EHD3: variants seen among roughly 807,000 people sequenced by gnomAD.
The protein encoded by EHD3 is EH domain containing 3.
EHD3 carries 17 observed loss-of-function variants against 43.0 expected under a neutral mutation model. The observed-to-expected ratio is 0.40, with a 90% confidence interval of 0.27 to 0.59. The LOEUF (loss-of-function observed/expected upper bound fraction) is 0.59, where lower values mean the gene tolerates loss of function less well. Among genes scored for constraint, EHD3 ranks in the 20% least tolerant of loss-of-function variants. The pLI is 0.49. For synonymous variants in EHD3, 313 were observed against 289.5 expected, an observed-to-expected ratio of 1.08 and a Z score of -0.82; for missense variants, 594 against 705.6, an observed-to-expected ratio of 0.84 and a Z score of 1.79.
chr2:31,248,557 A>G (rs1683572434), intron 2 of EHD3, among the ~76,000 whole-genome samples: 1 of 152,188 alleles, frequency 6.6e-6, no homozygotes, highest in Admixed American at 6.5e-5. Context: ...GTTGGCAAGC[A>G]TGAACCATGG....
Position 31,261,563 on chromosome 2 carries a change from CA to C in EHD3, c.931del (p.Ile311SerfsTer4). 1 of 1,614,226 alleles carries C rather than the reference CA, an allele frequency of 6.2e-7. No individual in the cohort carries two copies. The highest frequency in any genetic ancestry group is 8.5e-7 in the Non-Finnish European group (1 of 1,180,038). ...CTGTTTGTCAGGTCCACGCCTACAT[CA>C]TCAGCTCTCTGAAGAAGGAGATGCC... The part of the protein sequence containing the change: ...ARLAKVHAYI[I>X]SSLKKEMPSV... On this transcript the variant is annotated frameshift_variant, in exon 5 of 6. Coordinates refer to ENST00000322054, the MANE Select transcript of EHD3 (RefSeq NM_014600.3). LOFTEE classifies it high-confidence loss of function.
chr2:31,258,838 C>G (rs755061578), intron 3 of EHD3, among the ~76,000 whole-genome samples: 3 of 152,214 alleles, frequency 2.0e-5, no homozygotes. Flanking sequence ...GTTAGAAATG[C>G]TCTGCGCCAG....
chr2:31,242,825 T>A (rs1572462883), intron 1 of EHD3, among the ~76,000 whole-genome samples: 1 of 152,162 alleles, frequency 6.6e-6, no homozygotes, highest in East Asian at 1.9e-4. Context: ...CCGGGCGTGG[T>A]GGCGGCTGCC....
intron 1 of EHD3, among the ~76,000 whole-genome samples, chr2:31,235,279 A>G (rs890215969): frequency 2.6e-5 from 4 of 151,952 alleles, no homozygotes; most frequent in Non-Finnish European, 5.9e-5. Flanking sequence ...GGGGCTTGGC[A>G]CTCACATGGG....
intron 2 of EHD3, among the ~76,000 whole-genome samples, chr2:31,246,654 G>T (rs991824305): frequency 6.6e-6 from 1 of 152,082 alleles, no homozygotes; most frequent in Non-Finnish European, 1.5e-5. Context: ...AGAGCTGAGC[G>T]CCCTTATGTC....
At chr2:31,247,657 C>T (rs919997851) in intron 2 of EHD3, among the ~76,000 whole-genome samples, 6 of 152,158 alleles carry the variant, frequency 3.9e-5, no homozygotes, top group South Asian at 2.1e-4. Flanking sequence ...AGGCCCCTAG[C>T]GGCCTTGGGC....
Position 31,260,943 on chromosome 2 carries a change from G to T in EHD3, c.915+21G>T. 1 of 1,571,240 alleles carries T rather than the reference G, an allele frequency of 6.4e-7. No individual in the cohort carries two copies. Among genetic ancestry groups the T allele is most frequent in the Non-Finnish European group, 8.6e-7 (1 of 1,160,470 alleles). On this transcript the variant is annotated intron_variant, in intron 4 of 5. Coordinates refer to ENST00000322054, the MANE Select transcript of EHD3 (RefSeq NM_014600.3). The surrounding 1 kb of genome is among the most constrained non-coding windows in gnomAD (Gnocchi z 4.6). ...CCAAGGTGAGGCAGCCCCCTGGGAG[G>T]TGGGCAGCTTGGGCAGGGGCCCAGA...
At chr2:31,243,653 A>G (rs944063116) in intron 1 of EHD3, among the ~76,000 whole-genome samples, 1 of 151,448 alleles carries the variant, frequency 6.6e-6, no homozygotes, top group Non-Finnish European at 1.5e-5. Context: ...GACAGGTTTC[A>G]CCATGTTGGC....
chr2:31,265,775 A>G (rs1317530495), intron 5 of EHD3, among the ~76,000 whole-genome samples: 26 of 152,300 alleles, frequency 1.7e-4, no homozygotes, highest in Non-Finnish European at 1.9e-4. Flanking sequence ...AGAGGCCCAC[A>G]TGACCCAGTC....
chr2:31,243,809 T>C (rs982538233), intron 1 of EHD3, among the ~76,000 whole-genome samples: 7 of 152,134 alleles, frequency 4.6e-5, no homozygotes, highest in African/African-American at 1.7e-4. Context: ...GTATCATATA[T>C]GAGCTATTTT....
At chr2:31,243,758 A>G (rs958672693) in intron 1 of EHD3, among the ~76,000 whole-genome samples, 1 of 151,952 alleles carries the variant, frequency 6.6e-6, no homozygotes, top group Non-Finnish European at 1.5e-5. Flanking sequence ...CTGGCCAGAG[A>G]TTCATTTTTC....
At chr2:31,263,066 A>G (rs1328618830) in intron 5 of EHD3, among the ~76,000 whole-genome samples, 2 of 152,214 alleles carry the variant, frequency 1.3e-5, no homozygotes, top group African/African-American at 2.4e-5. Context: ...ATAGTCCTCA[A>G]TAGGCATTTT....
rs766691468 is a variant in EHD3, at chr2:31,234,858, C to T, written c.227+10C>T. 13 of 1,613,866 alleles carry T rather than the reference C, an allele frequency of 8.1e-6. No individual in the cohort carries two copies. Among genetic ancestry groups the T allele is most frequent in the Admixed American group, 6.7e-5 (4 of 60,024 alleles). On this transcript the variant is annotated intron_variant, in intron 1 of 5. Transcript: ENST00000322054. ...AGACCACCTTCATCAGGTGAGCCGG[C>T]CCAGGGTCCTGGCAGCCCACCCCGG...
intron 3 of EHD3, among the ~76,000 whole-genome samples, chr2:31,259,214 A>C (rs982412011): frequency 6.6e-6 from 1 of 152,168 alleles, no homozygotes; most frequent in Non-Finnish European, 1.5e-5. Flanking sequence ...GAGTGGCAGG[A>C]GGAGAGGCTG....
intron 5 of EHD3, among the ~76,000 whole-genome samples, chr2:31,263,522 A>G (rs1683891885): frequency 6.6e-6 from 1 of 152,142 alleles, no homozygotes; most frequent in Admixed American, 6.5e-5. Flanking sequence ...GGAGCCCACC[A>G]AACATACCTA....
chr2:31,236,872 C>G (rs77858721), intron 1 of EHD3, among the ~76,000 whole-genome samples: 2 of 152,318 alleles, frequency 1.3e-5, no homozygotes, highest in African/African-American at 2.4e-5. Context: ...GTCTGAGACA[C>G]TCTCCCGGCT....
chr2:31,251,004 A>G (rs1357489959), intron 3 of EHD3, among the ~76,000 whole-genome samples: 1 of 152,182 alleles, frequency 6.6e-6, no homozygotes, highest in African/African-American at 2.4e-5. Flanking sequence ...TTTCTGCAAG[A>G]GCATGGCCTG....
At chr2:31,248,293 G>C (rs1683564197) in intron 2 of EHD3, among the ~76,000 whole-genome samples, 1 of 152,156 alleles carries the variant, frequency 6.6e-6, no homozygotes, top group South Asian at 2.1e-4. Flanking sequence ...AAATGTTCCT[G>C]GGTGGTTCCC....
chr2:31,249,859 G>C (rs1027040602), intron 3 of EHD3, among the ~76,000 whole-genome samples: 1 of 152,192 alleles, frequency 6.6e-6, no homozygotes, highest in Non-Finnish European at 1.5e-5. Context: ...GAGAAATTCA[G>C]CTCAATGGTA....
Sources: allele counts gnomAD v4.1 joint callset (sites outside exome capture counted in the v4.1 genomes callset), GRCh38; gene constraint gnomAD v4.1.1; non-coding constraint Gnocchi (gnomAD v3.1); transcripts MANE v1.5; gene names NCBI Gene and HGNC (gene_info 2026-07-23, HGNC 2026-07-21).